The following RPS6KA6 variants were observed in gnomAD, a reference collection of about 807,000 sequenced individuals.
RPS6KA6 encodes ribosomal protein S6 kinase A6.
A neutral mutation model predicts 65.4 loss-of-function variants in RPS6KA6; 27 were observed. The observed-to-expected ratio is 0.41, with a 90% CI of 0.30 to 0.57. RPS6KA6 has a LOEUF of 0.57. RPS6KA6 is among the 20% of genes least tolerant of loss of function. The pLI is 0.24. For missense variants in RPS6KA6, 486 were observed against 555.6 expected (o/e 0.87, Z 1.26); for synonymous variants, 190 against 184.2 (o/e 1.03, Z -0.26).
intron 3 of RPS6KA6, 68 bp downstream of exon 3, chrX:84,156,007 C>T (rs72549427): frequency 1.9e-5 from 11 of 569,865 alleles, no homozygotes; most frequent in Non-Finnish European, 3.4e-5. Flanking sequence ...CAGATTTCTA[C>T]GTATGTGTTC....
In RPS6KA6 at chrX:84,106,389, AGTT is replaced by A; in HGVS notation, c.1338_1340del (p.Thr448del). The A allele has an allele frequency of 1.7e-6, 2 of 1,202,642 alleles. No individual in the cohort carries two copies. The highest frequency in any genetic ancestry group is 2.2e-6 in the Non-Finnish European group (2 of 889,643). ...CCTTCACTGCAAATTCCATGTTGGT[AGTT>A]GCATGTATGCATCGCTTGCAAACAG... On this transcript the variant is annotated inframe_deletion, in exon 15 of 22. Coordinates refer to ENST00000262752, the MANE Select transcript of RPS6KA6 (RefSeq NM_014496.5).
intron 20 of RPS6KA6, 53 bp downstream of exon 20, chrX:84,096,141 G>T: frequency 5.2e-6 from 4 of 762,075 alleles, no homozygotes; most frequent in Admixed American, 2.2e-5. Flanking sequence ...TATAACTTAG[G>T]GATTTGAGCA....
intron 5 of RPS6KA6, among the ~76,000 whole-genome samples, chrX:84,145,843 TC>T: frequency 9.0e-6 from 1 of 111,146 alleles, no homozygotes; most frequent in Non-Finnish European, 1.9e-5. Context: ...ACTTAGCCTA[TC>T]AAACCTACTG....
intron 20 of RPS6KA6, among the ~76,000 whole-genome samples, chrX:84,086,921 C>T (rs1196769913): frequency 9.0e-6 from 1 of 111,195 alleles, no homozygotes; most frequent in East Asian, 2.8e-4. Context: ...ATGTAATGCC[C>T]TTCTTTGTCT....
At chrX:84,150,899 TAGGATATATAGAG>T (rs2035296104) in intron 3 of RPS6KA6, among the ~76,000 whole-genome samples, 2 of 95,158 alleles carry the variant, frequency 2.1e-5, no homozygotes, top group Non-Finnish European at 4.1e-5. Flanking sequence ...AGGATATATA[TAGGATATATAGAG>T]AGGATATATA....
At chrX:84,071,423 T>C (rs965739242) in intron 20 of RPS6KA6, among the ~76,000 whole-genome samples, 1 of 111,089 alleles carries the variant, frequency 9.0e-6, no homozygotes, top group Non-Finnish European at 1.9e-5. Context: ...CTTGCCTAAA[T>C]AGTGAGTAGC....
At chrX:84,099,916 G>A (rs939502982) in intron 18 of RPS6KA6, among the ~76,000 whole-genome samples, 5 of 110,890 alleles carry the variant, frequency 4.5e-5, no homozygotes, top group Non-Finnish European at 9.5e-5. Flanking sequence ...TTTATGCATT[G>A]TGAAATAATG....
intron 2 of RPS6KA6, among the ~76,000 whole-genome samples, chrX:84,158,070 C>A (rs1290824255): frequency 9.1e-6 from 1 of 110,144 alleles, no homozygotes; most frequent in African/African-American, 3.3e-5. Flanking sequence ...GGACTGTGGG[C>A]TTCTTAAATG....
rs1188890402 is a variant in RPS6KA6, at chrX:84,059,188, T to C, written c.*5089A>G. ...TCTTGTTGCCCAGGCTGGAGTGAAA[T>C]TGGCACAATCTCGGCTCACCGCAAC... is the stretch of plus-strand genomic sequence containing the variant. On this transcript the variant is annotated 3_prime_UTR_variant, in exon 22 of 22. Transcript: ENST00000262752. 2.1e-5 allele frequency: 2 copies of C among 95,226 alleles called. No homozygotes were observed. Among genetic ancestry groups the C allele is most frequent in the African/African-American group, 7.7e-5 (2 of 25,811 alleles). The allele number at this position is 95,226 out of a possible 1,213,427, so 7.8% of individuals were successfully genotyped here.
intron 3 of RPS6KA6, among the ~76,000 whole-genome samples, chrX:84,152,194 T>C (rs1462144610): frequency 9.0e-6 from 1 of 111,044 alleles, no homozygotes; most frequent in Non-Finnish European, 1.9e-5. Context: ...GTTTAACACC[T>C]GATCTGTTTT....
At chrX:84,161,277 T>C (rs2035507257) in intron 2 of RPS6KA6, among the ~76,000 whole-genome samples, 2 of 111,463 alleles carry the variant, frequency 1.8e-5, no homozygotes. Flanking sequence ...TGCACCACTA[T>C]AAAGTTGAAA....
intron 3 of RPS6KA6, among the ~76,000 whole-genome samples, chrX:84,150,212 G>C (rs1399750606): frequency 8.9e-6 from 1 of 111,899 alleles, no homozygotes; most frequent in Non-Finnish European, 1.9e-5. Context: ...GCTAGAGGGA[G>C]TGTTGTGGCT....
intron 19 of RPS6KA6, among the ~76,000 whole-genome samples, chrX:84,096,529 T>G (rs973730268): frequency 9.0e-6 from 1 of 111,593 alleles, no homozygotes; most frequent in African/African-American, 3.2e-5. Flanking sequence ...CATCAATTAT[T>G]TCTTTTGTCT....
At chrX:84,091,547 G>C (rs767105561) in intron 20 of RPS6KA6, among the ~76,000 whole-genome samples, 1 of 112,113 alleles carries the variant, frequency 8.9e-6, no homozygotes, top group Non-Finnish European at 1.9e-5. Context: ...AACAACAGAT[G>C]CTGGTGAGGC....
At chrX:84,090,513 G>A (rs1448563654) in intron 20 of RPS6KA6, among the ~76,000 whole-genome samples, 2 of 102,769 alleles carry the variant, frequency 1.9e-5, no homozygotes, top group Non-Finnish European at 4.2e-5. Flanking sequence ...ACTGGGAAAT[G>A]TATAAAGAGG....
chrX:84,180,740 T>A (rs890121569), intron 1 of RPS6KA6, among the ~76,000 whole-genome samples: 2 of 112,027 alleles, frequency 1.8e-5, no homozygotes, highest in Admixed American at 1.9e-4. Flanking sequence ...GGCTATTGAA[T>A]CAGCACATCT....
chrX:84,083,085 A>T (rs1355412318), intron 20 of RPS6KA6, among the ~76,000 whole-genome samples: 1 of 112,600 alleles, frequency 8.9e-6, no homozygotes, highest in Non-Finnish European at 1.9e-5. Flanking sequence ...ACAAAAGCCA[A>T]AACTGACAAA....
At chrX:84,067,589 C>T (rs552884664) in intron 20 of RPS6KA6, among the ~76,000 whole-genome samples, 63 of 111,584 alleles carry the variant, frequency 5.6e-4, no homozygotes, top group African/African-American at 1.6e-3. Flanking sequence ...TTAAAAGGAA[C>T]GAACAAAGCC....
chrX:84,173,597 T>G (rs1274315245), intron 1 of RPS6KA6, among the ~76,000 whole-genome samples: 1 of 112,702 alleles, frequency 8.9e-6, no homozygotes, highest in African/African-American at 3.2e-5. Context: ...GAATCAAAAC[T>G]TACTGCCATA....
Sources: allele counts gnomAD v4.1 joint callset (sites outside exome capture counted in the v4.1 genomes callset), GRCh38; gene constraint gnomAD v4.1.1; transcripts MANE v1.5; gene names NCBI Gene and HGNC (gene_info 2026-07-23, HGNC 2026-07-21).